Variants in KDM4B observed in about 807,000 individuals in gnomAD.
KDM4B encodes the protein lysine demethylase 4B.
Under a neutral mutation model 125.2 loss-of-function variants are expected in KDM4B, and 32 were observed. The ratio of observed to expected loss-of-function variants is 0.26; its 90% confidence interval spans 0.19 to 0.34. The LOEUF (loss-of-function observed/expected upper bound fraction) is 0.34, where lower values mean the gene tolerates loss of function less well. Among genes scored for constraint, KDM4B ranks in the 10% least tolerant of loss-of-function variants. The pLI is 1.00. For missense variants in KDM4B, 1,190 were observed against 1,577.7 expected (o/e 0.75, Z 4.16); for synonymous variants, 721 against 677.9 (o/e 1.06, Z -0.99).
intron 1 of KDM4B, among the ~76,000 whole-genome samples, chr19:5,004,747 G>A (rs2035504093): frequency 6.6e-6 from 1 of 152,162 alleles, no homozygotes; most frequent in South Asian, 2.1e-4. Context: ...ATATTTTAAT[G>A]GTCACAGGTG....
At chr19:5,107,589 C>T (rs542690651) in intron 9 of KDM4B, among the ~76,000 whole-genome samples, 2 of 152,338 alleles carry the variant, frequency 1.3e-5, no homozygotes, top group South Asian at 2.1e-4. Context: ...GAACCCTTCC[C>T]AGCTGCAGTA....
At position 5,150,817 on chromosome 19, in the gene KDM4B, G is replaced by A. The variant is rs1057270530; in HGVS notation, c.3114+367G>A. ...GGCCTCTGAACCATCACAGGTTTTG[G>A]GGTACAGGCGAAGTACGGGCACCCC... is the stretch of plus-strand genomic sequence containing the variant. On this transcript the variant is annotated intron_variant, in intron 22 of 22. Transcript: ENST00000159111. Among the ~76,000 whole-genome samples the A allele has an allele frequency of 5.3e-5, 8 of 152,210 alleles. No individual in the cohort carries two copies. The South Asian group carries it at 6.2e-4, about 12-fold the overall frequency.
chr19:5,001,257 C>G (rs1021185895), intron 1 of KDM4B, among the ~76,000 whole-genome samples: 2 of 152,122 alleles, frequency 1.3e-5, no homozygotes, highest in African/African-American at 4.8e-5. Flanking sequence ...AGGCTGGTCT[C>G]AAACTCCCGG....
At chr19:5,100,339 G>C (rs2038906660) in intron 9 of KDM4B, among the ~76,000 whole-genome samples, 1 of 152,142 alleles carries the variant, frequency 6.6e-6, no homozygotes, top group African/African-American at 2.4e-5. Flanking sequence ...ACTCGCTATT[G>C]GGCTTTCAGA....
intron 6 of KDM4B, among the ~76,000 whole-genome samples, chr19:5,059,027 G>A (rs559164030): frequency 3.3e-5 from 5 of 152,346 alleles, no homozygotes; most frequent in Admixed American, 1.3e-4. Context: ...GGGTCTGTGC[G>A]TGCCCGCGGG....
At chr19:5,126,766 C>G (rs1222958961) in intron 11 of KDM4B, among the ~76,000 whole-genome samples, 2 of 152,222 alleles carry the variant, frequency 1.3e-5, no homozygotes, top group African/African-American at 4.8e-5. Flanking sequence ...GCGGGTTCAG[C>G]ACGGGAGGGT....
At position 5,106,085 on chromosome 19, in the gene KDM4B, T is replaced by C. The variant is rs921912677; in HGVS notation, c.919-4537T>C. Among the ~76,000 whole-genome samples, 3 of 152,254 alleles carry C rather than the reference T, an allele frequency of 2.0e-5. 1 individual carries two copies. The highest frequency in any genetic ancestry group is 6.5e-5 in the Admixed American group (1 of 15,294). The stretch of plus-strand genomic sequence containing the variant: ...TGCCCATAATTGGGCTCTTGCTATA[T>C]TCATGACCGTGCATTTTGTGTTTCT... On this transcript the variant is annotated intron_variant, in intron 9 of 22. Coordinates refer to ENST00000159111, the MANE Select transcript of KDM4B (RefSeq NM_015015.3).
intron 9 of KDM4B, among the ~76,000 whole-genome samples, chr19:5,096,991 G>A (rs1490996936): frequency 6.6e-6 from 1 of 152,080 alleles, no homozygotes; most frequent in Non-Finnish European, 1.5e-5. Context: ...CACCAGAATC[G>A]ACACTTTAAA....
chr19:5,069,717 G>T (rs1267709222), intron 6 of KDM4B, among the ~76,000 whole-genome samples: 2 of 152,068 alleles, frequency 1.3e-5, no homozygotes, highest in Admixed American at 1.3e-4. Context: ...AGGTTCAAAT[G>T]ATTCTTTTGC....
intron 1 of KDM4B, among the ~76,000 whole-genome samples, chr19:5,012,010 C>G (rs779448426): frequency 2.0e-5 from 3 of 152,216 alleles, no homozygotes; most frequent in Non-Finnish European, 4.4e-5. Flanking sequence ...GTGGCTGTTA[C>G]GTAATCGGTA....
intron 6 of KDM4B, among the ~76,000 whole-genome samples, chr19:5,062,104 C>T (rs1017863753): frequency 6.6e-6 from 1 of 152,206 alleles, no homozygotes; most frequent in Non-Finnish European, 1.5e-5. Context: ...CTCACTCCTC[C>T]TCTTCCTGCC....
At chr19:5,069,555 G>A (rs112429391) in intron 6 of KDM4B, among the ~76,000 whole-genome samples, 6,650 of 151,800 alleles carry the variant, frequency 0.044, 197 homozygotes, top group Non-Finnish European at 0.067. Flanking sequence ...TGATCCACCC[G>A]CCTCGGCCTC....
Position 5,045,177 on chromosome 19 carries a change from C to T in KDM4B, c.433-2299C>T, listed in dbSNP as rs892402746. ...TGTGCTCCTAGCAGCAGCGAATGAACGTTCCCAGGGCCCCGCTTCCCCGCC... is the reference window on the plus strand; with the variant it reads ...TGTGCTCCTAGCAGCAGCGAATGAATGTTCCCAGGGCCCCGCTTCCCCGCC... On this transcript the variant is annotated intron_variant, in intron 5 of 22. Coordinates refer to ENST00000159111, the MANE Select transcript of KDM4B (RefSeq NM_015015.3). 1.2e-4 allele frequency among the ~76,000 whole-genome samples: 18 copies of T among 152,294 alleles called. No individual in the cohort carries two copies. In the East Asian group the frequency reaches 1.5e-3, roughly 13 times the overall value.
intron 6 of KDM4B, among the ~76,000 whole-genome samples, chr19:5,067,012 G>A (rs1052085728): frequency 1.2e-4 from 18 of 152,098 alleles, no homozygotes; most frequent in African/African-American, 3.6e-4. Context: ...AATAGCATTC[G>A]CCCTGATTTA....
chr19:5,058,305 T>A (rs2037473040), intron 6 of KDM4B, among the ~76,000 whole-genome samples: 1 of 152,076 alleles, frequency 6.6e-6, no homozygotes, highest in Non-Finnish European at 1.5e-5. Flanking sequence ...TGGGAAGGGC[T>A]TTTGGTGTGG....
intron 2 of KDM4B, among the ~76,000 whole-genome samples, chr19:5,021,636 GTTTT>G (rs397859195): frequency 9.5e-5 from 12 of 126,260 alleles, no homozygotes; most frequent in African/African-American, 2.4e-4. Context: ...CCTGGCACAG[GTTTT>G]TTTTTTTTTT....
intron 5 of KDM4B, among the ~76,000 whole-genome samples, chr19:5,045,897 A>G (rs1191168225): frequency 6.6e-6 from 1 of 152,162 alleles, no homozygotes; most frequent in East Asian, 1.9e-4. Flanking sequence ...GGCGTGAGCT[A>G]CCGCGCCTGG....
chr19:5,064,085 C>T (rs1354100959), intron 6 of KDM4B, among the ~76,000 whole-genome samples: 1 of 152,236 alleles, frequency 6.6e-6, no homozygotes, highest in Admixed American at 6.5e-5. Context: ...CAGGCCGGGG[C>T]CACCATAGGG....
chr19:5,014,826 T>G (rs970156488), intron 1 of KDM4B, among the ~76,000 whole-genome samples: 1 of 151,752 alleles, frequency 6.6e-6, no homozygotes, highest in African/African-American at 2.4e-5. Flanking sequence ...AAACCCCGTC[T>G]CTACTAAAAA....
Sources: gnomAD v4.1 joint callset for allele counts (sites outside exome capture counted in the v4.1 genomes callset) on GRCh38, gnomAD v4.1.1 for gene constraint, MANE v1.5 for transcripts, NCBI Gene and HGNC (gene_info 2026-07-23, HGNC 2026-07-21) for gene names.